VPS13B: variants seen among roughly 807,000 people sequenced by gnomAD.
VPS13B encodes vacuolar protein sorting 13 homolog B.
Under a neutral mutation model 426.4 loss-of-function variants are expected in VPS13B, and 285 were observed. The observed-to-expected ratio is 0.67, with a 90% CI of 0.61 to 0.74. The LOEUF (loss-of-function observed/expected upper bound fraction) is 0.74, where lower values mean the gene tolerates loss of function less well. VPS13B is among the 30% of genes least tolerant of loss of function. The pLI is 0.00. For synonymous variants in VPS13B, 1,676 were observed against 1,676.4 expected, an observed-to-expected ratio of 1.00 and a Z score of 0.01; for missense variants, 4,537 against 4,782.6, an observed-to-expected ratio of 0.95 and a Z score of 1.51.
chr8:99,786,268 C>A (rs1812260283), intron 43 of VPS13B, among the ~76,000 whole-genome samples: 1 of 152,102 alleles, frequency 6.6e-6, no homozygotes, highest in South Asian at 2.1e-4. Context: ...GTATTTATTA[C>A]AAGTTTTATA....
intron 19 of VPS13B, among the ~76,000 whole-genome samples, chr8:99,329,502 G>A (rs1034266519): frequency 1.3e-4 from 20 of 152,142 alleles, no homozygotes; most frequent in South Asian, 8.3e-4. Context: ...TCCAATGCAT[G>A]TTTTTAGTAA....
At chr8:99,520,848 A>T (rs1233334917) in intron 29 of VPS13B, 51 bp from the exon 30 acceptor site, 1 of 1,449,858 alleles carries the variant, frequency 6.9e-7, no homozygotes, top group Non-Finnish European at 9.7e-7. Context: ...TTATGCATAA[A>T]GTTATGTACA....
At chr8:99,436,373 G>A (rs1817375783) in intron 22 of VPS13B, among the ~76,000 whole-genome samples, 1 of 152,050 alleles carries the variant, frequency 6.6e-6, no homozygotes, top group South Asian at 2.1e-4. Context: ...AGTTATGATA[G>A]TGATTTTCCT....
chr8:99,375,231 C>A (rs1813417550), intron 19 of VPS13B, among the ~76,000 whole-genome samples: 2 of 152,168 alleles, frequency 1.3e-5, no homozygotes. Flanking sequence ...TTATTTTCTT[C>A]TTATCAACTT....
At chr8:99,437,344 T>A (rs1290537338) in intron 22 of VPS13B, among the ~76,000 whole-genome samples, 1 of 152,054 alleles carries the variant, frequency 6.6e-6, no homozygotes, top group Non-Finnish European at 1.5e-5. Flanking sequence ...GGAGTTTCCA[T>A]ACTTAATTAT....
chr8:99,552,374 G>C (rs1824323780), intron 30 of VPS13B, among the ~76,000 whole-genome samples: 1 of 151,972 alleles, frequency 6.6e-6, no homozygotes, highest in African/African-American at 2.4e-5. Context: ...AGTTGAAATT[G>C]ATTTCATCCC....
At chr8:99,065,122 A>G (rs1272502453) in intron 3 of VPS13B, among the ~76,000 whole-genome samples, 1 of 152,228 alleles carries the variant, frequency 6.6e-6, no homozygotes, top group East Asian at 1.9e-4. Flanking sequence ...TAAACATGGA[A>G]AGGAACAACC....
chr8:99,532,940 GTT>G (rs1359948269), intron 30 of VPS13B, among the ~76,000 whole-genome samples: 2 of 128,730 alleles, frequency 1.6e-5, no homozygotes, highest in Non-Finnish European at 1.7e-5. Context: ...ACTGAGGGGT[GTT>G]TTTTTTTTTT....
chr8:99,491,710 A>G (rs1262123508), intron 25 of VPS13B, among the ~76,000 whole-genome samples: 1 of 152,278 alleles, frequency 6.6e-6, no homozygotes, highest in African/African-American at 2.4e-5. Flanking sequence ...TTTCAGCTCC[A>G]TCAGGTCATT....
intron 35 of VPS13B, among the ~76,000 whole-genome samples, chr8:99,678,836 G>T (rs1831045990): frequency 6.6e-6 from 1 of 152,086 alleles, no homozygotes; most frequent in Non-Finnish European, 1.5e-5. Flanking sequence ...CAGGATAAAT[G>T]CTTAATTCTT....
intron 2 of VPS13B, among the ~76,000 whole-genome samples, chr8:99,030,612 C>G (rs1452217881): frequency 6.6e-6 from 1 of 152,028 alleles, no homozygotes; most frequent in Admixed American, 6.6e-5. Context: ...TGAATGATCA[C>G]GTTACTATAA....
chr8:99,220,577 A>AG (rs1448386868), intron 17 of VPS13B, among the ~76,000 whole-genome samples: 2 of 152,142 alleles, frequency 1.3e-5, no homozygotes, highest in Non-Finnish European at 2.9e-5. Context: ...TTTGGATTAA[A>AG]GGTAATAAAA....
At chr8:99,072,024 G>T (rs1417060735) in intron 3 of VPS13B, among the ~76,000 whole-genome samples, 1 of 151,950 alleles carries the variant, frequency 6.6e-6, no homozygotes, top group Non-Finnish European at 1.5e-5. Flanking sequence ...AGAAGCCAGG[G>T]TCTGGAACTG....
intron 39 of VPS13B, among the ~76,000 whole-genome samples, chr8:99,749,170 CATA>C (rs1563898151): frequency 6.6e-6 from 1 of 151,990 alleles, no homozygotes; most frequent in East Asian, 1.9e-4. Flanking sequence ...TCATACAATG[CATA>C]ATAATCACAA....
chr8:99,703,532 A>G (rs1474275646), intron 36 of VPS13B, among the ~76,000 whole-genome samples: 2 of 152,114 alleles, frequency 1.3e-5, no homozygotes, highest in Admixed American at 1.3e-4. Context: ...TCCTTTAGAA[A>G]TTATATCATA....
At chr8:99,181,341 G>T (rs544332081) in intron 16 of VPS13B, among the ~76,000 whole-genome samples, 1 of 152,284 alleles carries the variant, frequency 6.6e-6, no homozygotes, top group South Asian at 2.1e-4. Flanking sequence ...CAGGTAAAAA[G>T]GCTGGGCTAT....
At chr8:99,423,694 T>G (rs1024137133) in intron 21 of VPS13B, among the ~76,000 whole-genome samples, 1 of 152,156 alleles carries the variant, frequency 6.6e-6, no homozygotes, top group African/African-American at 2.4e-5. Context: ...ATTTCATAGG[T>G]ATACAACTTA....
At chr8:99,313,234 G>T (rs1199239965) in intron 19 of VPS13B, among the ~76,000 whole-genome samples, 1 of 152,192 alleles carries the variant, frequency 6.6e-6, no homozygotes, top group Non-Finnish European at 1.5e-5. Flanking sequence ...TTTGGAGGGG[G>T]AGAAGCGCTC....
chr8:99,262,153 A>G (rs907758041), intron 17 of VPS13B, among the ~76,000 whole-genome samples: 2 of 152,156 alleles, frequency 1.3e-5, no homozygotes, highest in Admixed American at 6.5e-5. Context: ...GTGAATATTT[A>G]AAGTTCAGTT....
Sources: allele counts gnomAD v4.1 joint callset (sites outside exome capture counted in the v4.1 genomes callset), GRCh38; gene constraint gnomAD v4.1.1; transcripts MANE v1.5; gene names NCBI Gene and HGNC (gene_info 2026-07-23, HGNC 2026-07-21).